Variants in MBD5 observed in about 807,000 individuals in gnomAD.
MBD5 encodes the protein methyl-CpG-binding domain protein 5.
In MBD5, 13 loss-of-function variants were observed where a neutral mutation model predicts 117.3. The observed-to-expected ratio is 0.11, with a 90% CI of 0.07 to 0.18. The LOEUF is 0.18. Among genes scored for constraint, MBD5 ranks in the 10% least tolerant of loss-of-function variants. The pLI, the probability that MBD5 is intolerant of heterozygous loss-of-function variation, is 1.00. For synonymous variants in MBD5, 727 were observed against 766.4 expected (o/e 0.95, Z 0.85); for missense variants, 1,879 against 2,093.8 (o/e 0.90, Z 2.00).
intron 1 of MBD5, among the ~76,000 whole-genome samples, chr2:148,036,488 A>G (rs1362305884): frequency 6.6e-6 from 1 of 152,126 alleles, no homozygotes; most frequent in Non-Finnish European, 1.5e-5. Flanking sequence ...TCACTCAAAG[A>G]TTACTTGAAA....
At chr2:148,438,753 A>G (rs1410198730) in intron 4 of MBD5, among the ~76,000 whole-genome samples, 2 of 152,142 alleles carry the variant, frequency 1.3e-5, no homozygotes, top group Non-Finnish European at 2.9e-5. Context: ...AAGCCCACCA[A>G]CATGTAGTTC....
At chr2:148,250,049 C>A (rs1349832482) in intron 3 of MBD5, among the ~76,000 whole-genome samples, 2 of 152,158 alleles carry the variant, frequency 1.3e-5, no homozygotes, top group Non-Finnish European at 2.9e-5. Context: ...TAACTACCCT[C>A]GTAGACCCAC....
intron 4 of MBD5, among the ~76,000 whole-genome samples, chr2:148,350,303 T>C (rs1457032397): frequency 6.6e-6 from 1 of 152,078 alleles, no homozygotes; most frequent in Admixed American, 6.6e-5. Context: ...GTTTAATTCA[T>C]GTGCACCATT....
intron 2 of MBD5, among the ~76,000 whole-genome samples, chr2:148,228,460 C>T (rs944404883): frequency 3.9e-5 from 6 of 152,250 alleles, no homozygotes; most frequent in Non-Finnish European, 7.4e-5. Flanking sequence ...AGGGATGAAG[C>T]CCACTTGATC....
At chr2:148,322,110 A>C (rs978603779) in intron 3 of MBD5, among the ~76,000 whole-genome samples, 2 of 152,236 alleles carry the variant, frequency 1.3e-5, no homozygotes, top group Non-Finnish European at 2.9e-5. Flanking sequence ...AGAAGCTCAT[A>C]GGCTAGCCGA....
intron 4 of MBD5, among the ~76,000 whole-genome samples, chr2:148,411,160 T>A (rs552980838): frequency 1.3e-5 from 2 of 152,188 alleles, no homozygotes; most frequent in Admixed American, 1.3e-4. Flanking sequence ...GGCCTTGAGC[T>A]CTACCCATGT....
intron 3 of MBD5, among the ~76,000 whole-genome samples, chr2:148,277,627 T>C (rs77391132): frequency 0.12 from 17,782 of 152,196 alleles, 1,379 homozygotes; most frequent in Non-Finnish European, 0.18. Flanking sequence ...TTTTTGTGTC[T>C]ACTTTATCTG....
chr2:148,138,582 G>C (rs1697228863), intron 1 of MBD5, among the ~76,000 whole-genome samples: 1 of 152,174 alleles, frequency 6.6e-6, no homozygotes, highest in Admixed American at 6.5e-5. Flanking sequence ...AATCATTATA[G>C]AACACAAAAT....
chr2:148,183,119 A>G (rs1359840777), intron 2 of MBD5, among the ~76,000 whole-genome samples: 2 of 152,214 alleles, frequency 1.3e-5, no homozygotes, highest in Non-Finnish European at 2.9e-5. Context: ...ATATTTTGAT[A>G]AAAGAATAAG....
intron 4 of MBD5, among the ~76,000 whole-genome samples, chr2:148,419,572 A>T (rs930586482): frequency 6.6e-6 from 1 of 152,148 alleles, no homozygotes; most frequent in Admixed American, 6.5e-5. Flanking sequence ...CACCAGTGTC[A>T]TAACTAAATC....
intron 4 of MBD5, among the ~76,000 whole-genome samples, chr2:148,345,804 T>A (rs1175662593): frequency 2.0e-5 from 3 of 151,692 alleles, no homozygotes; most frequent in African/African-American, 7.3e-5. Context: ...AGAGCCAGTA[T>A]GAGTCTCAAA....
At chr2:148,406,024 A>G (rs528278703) in intron 4 of MBD5, among the ~76,000 whole-genome samples, 1 of 152,074 alleles carries the variant, frequency 6.6e-6, no homozygotes, top group Non-Finnish European at 1.5e-5. Context: ...AAATAAATAA[A>G]TAATTAATTA....
At chr2:148,393,131 G>A (rs1323329901) in intron 4 of MBD5, among the ~76,000 whole-genome samples, 2 of 152,096 alleles carry the variant, frequency 1.3e-5, no homozygotes, top group Non-Finnish European at 2.9e-5. Context: ...GGGAGCTAAA[G>A]ATAAAGGCCT....
intron 4 of MBD5, chr2:148,346,492 C>T (rs1384175854): frequency 6.6e-6 from 1 of 151,984 alleles, no homozygotes; most frequent in Non-Finnish European, 1.5e-5. Flanking sequence ...GTTTTGTCAA[C>T]ATTTGACATT....
chr2:148,130,857 T>C (rs1039774003), intron 1 of MBD5, among the ~76,000 whole-genome samples: 15 of 152,116 alleles, frequency 9.9e-5, no homozygotes, highest in Non-Finnish European at 4.4e-5. Context: ...CTGGGCAAGG[T>C]TGGGGAGACT....
Position 148,469,943 on chromosome 2 carries a change from T to G in MBD5, c.2000T>G (p.Leu667Trp), listed in dbSNP as rs796052711. ...AGAAAACAACCACCTACGACAGTGT[T>G]GAGTTTGCTCAGACAGTCTCAAATG... Reference protein sequence around the residue: ...RKRKQPPTTVLSLLRQSQMDS... With the variant: ...RKRKQPPTTVWSLLRQSQMDS... Residue 667 changes from leucine (L) to tryptophan (W), a missense_variant, in exon 8 of 14, where the codon TTG becomes TGG. Physicochemically the swap from Leu to Trp is moderately conservative, Grantham distance 61 (BLOSUM62 -2). Around this residue, in one of 4 missense-constraint regions of MBD5, gnomAD observed 1,666 missense variants for 1,792.2 expected, o/e 0.93. Coordinates refer to ENST00000642680, the MANE Select transcript of MBD5 (RefSeq NM_001378120.1). 1 of 1,613,944 alleles carries G rather than the reference T, an allele frequency of 6.2e-7. No homozygotes were observed. The highest frequency in any genetic ancestry group is 8.5e-7 in the Non-Finnish European group (1 of 1,179,886).
intron 1 of MBD5, among the ~76,000 whole-genome samples, chr2:148,047,142 C>G (rs1222140915): frequency 1.3e-5 from 2 of 152,200 alleles, no homozygotes; most frequent in African/African-American, 4.8e-5. Flanking sequence ...CACTTCTTAT[C>G]AAATCATCCT....
intron 1 of MBD5, 24 bp from the exon 2 acceptor site, chr2:148,178,676 T>C (rs1329767232): frequency 2.5e-6 from 1 of 397,940 alleles, no homozygotes; most frequent in Non-Finnish European, 4.4e-6. Context: ...AAATTCATTA[T>C]ATTTTCTTAT....
intron 12 of MBD5, among the ~76,000 whole-genome samples, chr2:148,505,214 A>T (rs2105244134): frequency 6.6e-6 from 1 of 152,324 alleles, no homozygotes; most frequent in South Asian, 2.1e-4. Context: ...GAGACTTGGT[A>T]GGTTGTAGAA....
Sources: allele counts gnomAD v4.1 joint callset (sites outside exome capture counted in the v4.1 genomes callset), GRCh38; gene constraint gnomAD v4.1.1; regional missense constraint gnomAD v4.1.1; transcripts MANE v1.5; gene names NCBI Gene and HGNC (gene_info 2026-07-23, HGNC 2026-07-21).